The following VARS1 variants were observed in gnomAD, a reference collection of about 807,000 sequenced individuals.
VARS1 encodes the protein valyl-tRNA synthetase 1.
Under a neutral mutation model 161.0 loss-of-function variants are expected in VARS1, and 92 were observed. That is an observed-to-expected ratio of 0.57 (90% CI 0.48 to 0.68). The LOEUF is 0.68. Among genes scored for constraint, VARS1 ranks in the 30% least tolerant of loss-of-function variants. The probability of loss-of-function intolerance (pLI) is 0.00; values close to 1 mark genes in which losing one functional copy is unlikely to be tolerated. For missense variants in VARS1, 1,338 were observed against 1,695.9 expected, an observed-to-expected ratio of 0.79 and a Z score of 3.71; for synonymous variants, 595 against 682.5, an observed-to-expected ratio of 0.87 and a Z score of 2.00.
Position 31,779,080 on chromosome 6 carries a change from G to A in VARS1, c.3613C>T (p.Gln1205Ter), listed in dbSNP as rs185850545. The A allele has an allele frequency of 6.2e-7, 1 of 1,612,300 alleles. No individual in the cohort carries two copies. The highest frequency in any genetic ancestry group is 2.2e-5 in the East Asian group (1 of 44,878). ...VDPARELGKL[Q>*]AKRVEAQRQA... ...CGCTGGGCCTCAACTCGCTTGGCTTGCAGCTTGCCCAGCTCCCGTGCAGGG... is the reference window on the plus strand; with the variant it reads ...CGCTGGGCCTCAACTCGCTTGGCTTACAGCTTGCCCAGCTCCCGTGCAGGG... Residue 1205 changes from glutamine (Q) to a stop codon, truncating the protein, a stop_gained, in exon 29 of 30, where the codon CAA (glutamine) becomes TAA (stop). Coordinates refer to ENST00000375663, the MANE Select transcript of VARS1 (RefSeq NM_006295.3). LOFTEE classifies it high-confidence loss of function. The surrounding 1 kb of genome is among the most constrained non-coding windows in gnomAD (Gnocchi z 9.1).
At position 31,781,784 on chromosome 6, in the gene VARS1, G is replaced by T. The variant is rs371948566; in HGVS notation, c.2348-23C>A. 6.2e-7 allele frequency: 1 copy of T among 1,613,022 alleles called. No homozygotes were observed. The highest frequency in any genetic ancestry group is 8.5e-7 in the Non-Finnish European group (1 of 1,180,016). Reference sequence around the variant, plus strand: ...CATCTGAGAGAGGCCAAAGGTCAGAGGTCAGAGGGAGTGGAGCTCTGCCCC... The same window carrying T: ...CATCTGAGAGAGGCCAAAGGTCAGATGTCAGAGGGAGTGGAGCTCTGCCCC... On this transcript the variant is annotated intron_variant, in intron 19 of 29. Coordinates refer to ENST00000375663, the MANE Select transcript of VARS1 (RefSeq NM_006295.3). The surrounding 1 kb of genome is among the most constrained non-coding windows in gnomAD (Gnocchi z 6.8).
At chr6:31,786,641 G>C (rs1408036442) in intron 8 of VARS1, among the ~76,000 whole-genome samples, 2 of 132,476 alleles carry the variant, frequency 1.5e-5, no homozygotes, top group African/African-American at 5.7e-5. Context: ...ACTCCAGCCC[G>C]GATGACAGAG....
Position 31,794,093 on chromosome 6 carries a change from C to CAAAAAAAA in VARS1, c.387+730_387+737dup, listed in dbSNP as rs33960246. Among the ~76,000 whole-genome samples the CAAAAAAAA allele has an allele frequency of 1.1e-4, 8 of 71,152 alleles. 1 individual carries two copies. Among genetic ancestry groups the CAAAAAAAA allele is most frequent in the Non-Finnish European group, 1.8e-4 (6 of 32,938 alleles). The allele number at this position is 71,152 out of a possible 152,430, so 46.7% of individuals were successfully genotyped here. ...TGGGCAACAGAAGGAGATTCTGTCT[C>CAAAAAAAA]AAAAAAAAAAAAAAAAAAGAAAAGA... On this transcript the variant is annotated intron_variant, in intron 2 of 29. Coordinates refer to ENST00000375663, the MANE Select transcript of VARS1 (RefSeq NM_006295.3).
chr6:31,781,276 A>G lies in VARS1; in HGVS notation c.2545-153T>C. On this transcript the variant is annotated intron_variant, in intron 21 of 29. Coordinates refer to ENST00000375663, the MANE Select transcript of VARS1 (RefSeq NM_006295.3). This position sits in a 1 kb window ranked among gnomAD's most constrained non-coding sequence, Gnocchi z 6.8. ...CGTTGAGCGCCTTTATGTGAATCAG[A>G]AGCACTCCTTCCTCTGGGAAGATGA... 8.5e-7 allele frequency: 1 copy of G among 1,169,750 alleles called. No homozygotes were observed. Among genetic ancestry groups the G allele is most frequent in the African/African-American group, 1.5e-5 (1 of 65,606 alleles). 72.5% of individuals were successfully genotyped at this position (1,169,750 alleles called of 1,614,324 possible). A position where few individuals can be genotyped will look rare whatever the true frequency, so the allele number is the denominator to read the frequency against.
intron 8 of VARS1, among the ~76,000 whole-genome samples, chr6:31,786,620 T>A (rs1310545709): frequency 7.2e-6 from 1 of 138,730 alleles, no homozygotes; most frequent in Non-Finnish European, 1.5e-5. Flanking sequence ...GAGTTGAAAT[T>A]GTGCCACTGC....
At position 31,792,751 on chromosome 6, in the gene VARS1, C is replaced by T. The variant is rs188443847; in HGVS notation, c.661+6G>A. The stretch of plus-strand genomic sequence containing the variant: ...CCCTATCCTCCAACTCCTCGCCCTT[C>T]CTCACCTGGCTGATGAGAGAGAGGC... On this transcript the variant is annotated splice_donor_region_variant and intron_variant, in intron 4 of 29. Coordinates refer to ENST00000375663, the MANE Select transcript of VARS1 (RefSeq NM_006295.3). 7.5e-4 allele frequency: 1,218 copies of T among 1,614,168 alleles called. 13 individuals are homozygous for T. The Admixed American group carries it at 0.017, about 22-fold the overall frequency.
In VARS1 at chr6:31,785,259, A is replaced by T. The variant is rs1813420203; in HGVS notation, c.1334T>A (p.Phe445Tyr). ...CCTCCCACGCACAGGGTCCATGGTG[A>T]AACAGGCTCGATCCCAGTCCAAGGA... Reference protein sequence around the residue: ...GSSLDWDRACFTMDPKLSAAV... With the variant: ...GSSLDWDRACYTMDPKLSAAV... The change falls in exon 10 of 30, where the codon TTC becomes TAC. Residue 445 changes from phenylalanine to tyrosine, a missense_variant. Transcript: ENST00000375663. This position sits in a 1 kb window ranked among gnomAD's most constrained non-coding sequence, Gnocchi z 6.1. The T allele has an allele frequency of 1.2e-6, 2 of 1,613,068 alleles. No individual in the cohort carries two copies. The highest frequency in any genetic ancestry group is 1.7e-6 in the Non-Finnish European group (2 of 1,180,016).
At chr6:31,789,894 G>A (rs906512478) in intron 8 of VARS1, among the ~76,000 whole-genome samples, 3 of 152,002 alleles carry the variant, frequency 2.0e-5, no homozygotes, top group South Asian at 4.2e-4. Flanking sequence ...CGTGGTGGTG[G>A]GCACCTGTAG....
chr6:31,786,399 G>A (rs1202603652), intron 8 of VARS1, among the ~76,000 whole-genome samples: 2 of 152,146 alleles, frequency 1.3e-5, no homozygotes, highest in East Asian at 1.9e-4. Context: ...ATGCGTGGTG[G>A]CTCACACCTG....
rs777369343 is a variant in VARS1, at chr6:31,781,050, G to A, written c.2618C>T (p.Pro873Leu). The change falls in exon 22 of 30, where the codon CCC (proline) becomes CTC (leucine). Residue 873 changes from proline to leucine, a missense_variant. Around this residue, in one of 3 missense-constraint regions of VARS1, gnomAD observed 433 missense variants for 586.2 expected, o/e 0.74. Transcript: ENST00000375663. The surrounding 1 kb of genome is among the most constrained non-coding windows in gnomAD (Gnocchi z 6.8). ...GGAGATTCCATAGATGACGTCCAGG[G>A]GATCGATGACATTGCCTAGAGACTT... Reference protein sequence around the residue: ...MSKSLGNVIDPLDVIYGISLQ... With the variant: ...MSKSLGNVIDLLDVIYGISLQ... 6.2e-6 allele frequency: 10 copies of A among 1,613,814 alleles called. No individual in the cohort carries two copies. The highest frequency in any genetic ancestry group is 8.5e-6 in the Non-Finnish European group (10 of 1,180,044).
In VARS1 at chr6:31,795,013, C is replaced by T; in HGVS notation, c.205G>A (p.Val69Met). 6.3e-7 allele frequency: 1 copy of T among 1,592,882 alleles called. No individual in the cohort carries two copies. The highest frequency in any genetic ancestry group is 8.6e-7 in the Non-Finnish European group (1 of 1,167,662). Residue 69 changes from valine (V) to methionine (M), a missense_variant, in exon 2 of 30, where the codon GTG (valine) becomes ATG (methionine). Physicochemically the swap from Val to Met is conservative, Grantham distance 21. This residue lies in a region of VARS1 where 902 missense variants were observed against 1,090.3 expected (regional missense o/e 0.83). Coordinates refer to ENST00000375663, the MANE Select transcript of VARS1 (RefSeq NM_006295.3). This position sits in a 1 kb window ranked among gnomAD's most constrained non-coding sequence, Gnocchi z 6.9. ...ALEQGPGGLW[V>M]WGATAVAQLL... The stretch of plus-strand genomic sequence containing the variant: ...TGGGCCACAGCCGTGGCCCCCCACA[C>T]CCAGAGCCCACCGGGCCCCTGCTCC...
At chr6:31,787,894 G>A (rs548322683) in intron 8 of VARS1, among the ~76,000 whole-genome samples, 2 of 152,192 alleles carry the variant, frequency 1.3e-5, no homozygotes, top group African/African-American at 2.4e-5. Flanking sequence ...CGAGGTACGC[G>A]AATCACGAGG....
intron 8 of VARS1, among the ~76,000 whole-genome samples, chr6:31,788,841 AT>A (rs917102412): frequency 1.3e-5 from 2 of 152,070 alleles, no homozygotes; most frequent in African/African-American, 4.8e-5. Flanking sequence ...AAATAAAAAA[AT>A]AAAACATATA....
chr6:31,786,947 C>T (rs548106242), intron 8 of VARS1, among the ~76,000 whole-genome samples: 1 of 151,728 alleles, frequency 6.6e-6, no homozygotes, highest in African/African-American at 2.4e-5. Flanking sequence ...GAATTCAAGC[C>T]AGGCACAGTG....
At chr6:31,787,242 A>T (rs1813567643) in intron 8 of VARS1, among the ~76,000 whole-genome samples, 1 of 152,136 alleles carries the variant, frequency 6.6e-6, no homozygotes, top group Admixed American at 6.6e-5. Context: ...ACAAATAAAT[A>T]AAAATAAAAA....
chr6:31,779,552 G>C lies in VARS1; in HGVS notation c.3289-16C>G, dbSNP rs1227642433. ...TCCAGGAGCACTGTGGGGTGGAGGA[G>C]GGGGTGAGGGGGCCTGGAGGGCAGG... On this transcript the variant is annotated splice_polypyrimidine_tract_variant and intron_variant, in intron 27 of 29. Transcript: ENST00000375663. The surrounding 1 kb of genome is among the most constrained non-coding windows in gnomAD (Gnocchi z 9.1). 1 of 1,612,188 alleles carries C rather than the reference G, an allele frequency of 6.2e-7. No individual in the cohort carries two copies. The highest frequency in any genetic ancestry group is 2.2e-5 in the East Asian group (1 of 44,858).
Position 31,782,569 on chromosome 6 carries a change from CG to C in VARS1, c.1951del (p.Arg651ValfsTer20), listed in dbSNP as rs1429004692. On this transcript the variant is annotated frameshift_variant, in exon 16 of 30. Coordinates refer to ENST00000375663, the MANE Select transcript of VARS1 (RefSeq NM_006295.3). LOFTEE classifies it high-confidence loss of function. The surrounding 1 kb of genome is among the most constrained non-coding windows in gnomAD (Gnocchi z 8.3). Reference sequence around the variant, plus strand: ...CACCATGGGGTTGTCCTCAATGCCACGGAACAGTCCCCGCTCCTTCAGCGCC... The same window carrying C: ...CACCATGGGGTTGTCCTCAATGCCACGAACAGTCCCCGCTCCTTCAGCGCC... ...LVALKERGLF[R>X]GIEDNPMVVP... The C allele has an allele frequency of 1.9e-6, 3 of 1,612,948 alleles. No individual in the cohort carries two copies. The highest frequency in any genetic ancestry group is 2.5e-6 in the Non-Finnish European group (3 of 1,180,042).
chr6:31,778,733 C>T lies in VARS1; in HGVS notation c.3726+234G>A, dbSNP rs896805499. 5.1e-6 allele frequency: 3 copies of T among 594,002 alleles called. No individual in the cohort carries two copies. The highest frequency in any genetic ancestry group is 8.8e-6 in the Non-Finnish European group (3 of 340,942). 36.8% of individuals were successfully genotyped at this position (594,002 alleles called of 1,614,324 possible). On this transcript the variant is annotated intron_variant, in intron 29 of 29. Transcript: ENST00000375663. The surrounding 1 kb of genome is among the most constrained non-coding windows in gnomAD (Gnocchi z 5.1). ...CACCATGTTGGCTGGTCTCAAACCC[C>T]TGGGCTCAAGTGATCCACCCACCTT...
chr6:31,777,574 G>A lies in VARS1; in HGVS notation c.*20C>T. 6.2e-7 allele frequency: 1 copy of A among 1,614,050 alleles called. No homozygotes were observed. Among genetic ancestry groups the A allele is most frequent in the Non-Finnish European group, 8.5e-7 (1 of 1,179,944 alleles). ...CCCATGGTGAGCCGCTGGGGGTGAG[G>A]GGTGAAGCTGGGTGGTGGATCACAG... On this transcript the variant is annotated 3_prime_UTR_variant, in exon 30 of 30. Coordinates refer to ENST00000375663, the MANE Select transcript of VARS1 (RefSeq NM_006295.3). This position sits in a 1 kb window ranked among gnomAD's most constrained non-coding sequence, Gnocchi z 5.8.
Sources: allele counts gnomAD v4.1 joint callset (sites outside exome capture counted in the v4.1 genomes callset), GRCh38; gene constraint gnomAD v4.1.1; regional missense constraint gnomAD v4.1.1; non-coding constraint Gnocchi (gnomAD v3.1); transcripts MANE v1.5; gene names NCBI Gene and HGNC (gene_info 2026-07-23, HGNC 2026-07-21).